The following CYP4F2 variants were observed in gnomAD, a reference collection of about 807,000 sequenced individuals.
The protein encoded by CYP4F2 is cytochrome P450 4F2.
In CYP4F2, 58 loss-of-function variants were observed where a neutral mutation model predicts 58.9. The observed-to-expected ratio is 0.98, with a 90% CI of 0.80 to 1.23. The LOEUF (loss-of-function observed/expected upper bound fraction) is 1.23, where lower values mean the gene tolerates loss of function less well. Among genes scored for constraint, CYP4F2 ranks in the 50% most tolerant of loss-of-function variants. CYP4F2 has a pLI of 0.00. For synonymous variants in CYP4F2, 287 were observed against 261.1 expected (o/e 1.10, Z -0.95); for missense variants, 616 against 685.6 (o/e 0.90, Z 1.13).
intron 9 of CYP4F2, among the ~76,000 whole-genome samples, chr19:15,880,170 G>A (rs774719317): frequency 5.9e-5 from 9 of 152,022 alleles, no homozygotes; most frequent in Non-Finnish European, 1.0e-4. Context: ...CCAAAATCCT[G>A]GGAAACTGAT....
Position 15,882,663 on chromosome 19 carries a change from A to G in CYP4F2, c.1116-2766T>C, listed in dbSNP as rs1327661567. Among the ~76,000 whole-genome samples, 4 of 151,402 alleles carry G rather than the reference A, an allele frequency of 2.6e-5. No individual in the cohort carries two copies. The East Asian group carries it at 7.8e-4, about 29-fold the overall frequency. On this transcript the variant is annotated intron_variant, in intron 9 of 12. Transcript: ENST00000221700. ...GATTTAATAATTTCAGGTTGTATAC[A>G]TACATCATAACATCACATTGTACCT... is the stretch of plus-strand genomic sequence containing the variant.
chr19:15,893,270 G>A lies in CYP4F2; in HGVS notation c.344-688C>T, dbSNP rs190302810. ...ATAATGTCTCAGACAGTTCACATAG[G>A]GACCCTGGGTCCCAGACCTCACACA... On this transcript the variant is annotated intron_variant, in intron 3 of 12. Coordinates refer to ENST00000221700, the MANE Select transcript of CYP4F2 (RefSeq NM_001082.5). Among the ~76,000 whole-genome samples, 43 of 150,718 alleles carry A rather than the reference G, an allele frequency of 2.9e-4. No individual in the cohort carries two copies. In the East Asian group the frequency reaches 6.4e-3, roughly 22 times the overall value.
chr19:15,895,562 G>A lies in CYP4F2; in HGVS notation c.287C>T (p.Ser96Phe), dbSNP rs1261522986. ...GGGGTGGCACAAACTGAGGAGGGGG[G>A]AGATGGGTCCCATCCAGACCTTAAA... ...QGFKVWMGPI[S>F]PLLSLCHPDI... Residue 96 changes from serine to phenylalanine, a missense_variant, in exon 3 of 13, where the codon TCC becomes TTC. Transcript: ENST00000221700. The A allele has an allele frequency of 4.5e-6, 7 of 1,559,038 alleles. No homozygotes were observed. Among genetic ancestry groups the A allele is most frequent in the Non-Finnish European group, 6.0e-6 (7 of 1,160,294 alleles).
chr19:15,897,878 A>G, intron 1 of CYP4F2, 148 bp downstream of exon 1: 1 of 399,508 alleles, frequency 2.5e-6, no homozygotes, highest in Non-Finnish European at 4.5e-6. Flanking sequence ...AGCCTGAATC[A>G]CTGTGAGGTT....
intron 9 of CYP4F2, among the ~76,000 whole-genome samples, chr19:15,881,769 G>A (rs563824950): frequency 2.0e-5 from 3 of 151,758 alleles, no homozygotes; most frequent in Non-Finnish European, 4.4e-5. Context: ...TTTCCATGTG[G>A]TGTGTATATA....
chr19:15,878,851 G>A lies in CYP4F2; in HGVS notation c.1483C>T (p.His495Tyr). 1 of 1,614,032 alleles carries A rather than the reference G, an allele frequency of 6.2e-7. No individual in the cohort carries two copies. Among genetic ancestry groups the A allele is most frequent in the Non-Finnish European group, 8.5e-7 (1 of 1,179,994 alleles). ...TCCGGCTTCCTGCGGGGCTCGGTGT[G>A]GTCAGGCAGGACGCGGAAGCGCAGC... ...TLLRFRVLPD[H>Y]TEPRRKPELV... The change falls in exon 13 of 13, where the codon CAC becomes TAC. Residue 495 changes from histidine (H) to tyrosine (Y), a missense_variant. By Grantham distance (83) the His-to-Tyr change is moderately conservative. Transcript: ENST00000221700.
At chr19:15,897,340 CACT>C in intron 2 of CYP4F2, 71 bp downstream of exon 2, 4 of 1,394,308 alleles carry the variant, frequency 2.9e-6, no homozygotes, top group Admixed American at 2.0e-5. Context: ...CCTTCACCCC[CACT>C]CCCTAAGCCT....
At chr19:15,880,323 G>A (rs1189350387) in intron 9 of CYP4F2, among the ~76,000 whole-genome samples, 1 of 151,198 alleles carries the variant, frequency 6.6e-6, no homozygotes, top group African/African-American at 2.4e-5. Context: ...TGCAACCCAA[G>A]ACAGAAAAAA....
At chr19:15,885,863 C>G (rs977612919) in intron 9 of CYP4F2, 61 bp downstream of exon 9, 28 of 1,572,116 alleles carry the variant, frequency 1.8e-5, no homozygotes, top group Non-Finnish European at 2.2e-5. Context: ...CTCCCCTCCC[C>G]ACCTGGGGAG....
At chr19:15,887,785 G>C (rs1267419997) in intron 7 of CYP4F2, among the ~76,000 whole-genome samples, 1 of 150,838 alleles carries the variant, frequency 6.6e-6, no homozygotes, top group Non-Finnish European at 1.5e-5. Flanking sequence ...TATAGACACA[G>C]ACATACACAC....
chr19:15,884,631 T>C (rs1217315491), intron 9 of CYP4F2, among the ~76,000 whole-genome samples: 1 of 152,018 alleles, frequency 6.6e-6, no homozygotes, highest in East Asian at 1.9e-4. Context: ...CAATAAAAAA[T>C]TGTTTGTTAA....
chr19:15,884,556 A>G (rs1388759208), intron 9 of CYP4F2, among the ~76,000 whole-genome samples: 2 of 152,246 alleles, frequency 1.3e-5, no homozygotes, highest in East Asian at 3.8e-4. Flanking sequence ...TTTGATCTTT[A>G]CCAGTTATAT....
chr19:15,886,198 G>C, intron 8 of CYP4F2, 44 bp downstream of exon 8: 1 of 1,613,342 alleles, frequency 6.2e-7, no homozygotes, highest in East Asian at 2.2e-5. Context: ...TCCTGGAAGG[G>C]AGAGATCCCG....
In CYP4F2 at chr19:15,889,475, G is replaced by T. The variant is rs769740008; in HGVS notation, c.866C>A (p.Ala289Asp). The change falls in exon 7 of 13, where the codon GCC becomes GAC. Residue 289 changes from alanine (A) to aspartate (D), a missense_variant. Coordinates refer to ENST00000221700, the MANE Select transcript of CYP4F2 (RefSeq NM_001082.5). Reference protein sequence around the residue: ...PSQGVDDFLQAKAKSKTLDFI... With the variant: ...PSQGVDDFLQDKAKSKTLDFI... ...GTCCAAAGTCTTGGATTTGGCCTTG[G>T]CTTGGAGGAAGTCATCAACACCCTG... The T allele has an allele frequency of 1.9e-6, 3 of 1,614,150 alleles. No individual in the cohort carries two copies. In the East Asian group the frequency reaches 6.7e-5, roughly 36 times the overall value.
chr19:15,897,517 G>C lies in CYP4F2; in HGVS notation c.95C>G (p.Ala32Gly). The C allele has an allele frequency of 6.2e-7, 1 of 1,613,868 alleles. No individual in the cohort carries two copies. The highest frequency in any genetic ancestry group is 2.2e-5 in the East Asian group (1 of 44,840). The change falls in exon 2 of 13, where the codon GCC becomes GGC. Residue 32 changes from alanine (A) to glycine (G), a missense_variant. By Grantham distance (60) the Ala-to-Gly change is moderately conservative. Transcript: ENST00000221700. The stretch of plus-strand genomic sequence containing the variant: ...GGCGTAGGTCCAGGCCAGGACATGG[G>C]CCAGGAGCCAGGAGGCCCCGACCAG... ...LLLVGASWLL[A>G]HVLAWTYAFY...
chr19:15,897,879 C>T (rs1446778134), intron 1 of CYP4F2, 147 bp downstream of exon 1: 5 of 393,036 alleles, frequency 1.3e-5, no homozygotes, highest in Non-Finnish European at 2.3e-5. Flanking sequence ...GCCTGAATCA[C>T]TGTGAGGTTG....
At chr19:15,895,957 T>C (rs1331429046) in intron 2 of CYP4F2, among the ~76,000 whole-genome samples, 1 of 152,128 alleles carries the variant, frequency 6.6e-6, no homozygotes, top group East Asian at 1.9e-4. Context: ...ACATAATCTA[T>C]CCATCCTATC....
Position 15,897,499 on chromosome 19 carries a change from G to C in CYP4F2, c.113C>G (p.Thr38Ser). 6.2e-7 allele frequency: 1 copy of C among 1,614,022 alleles called. No homozygotes were observed. The highest frequency in any genetic ancestry group is 8.5e-7 in the Non-Finnish European group (1 of 1,179,986). Residue 38 changes from threonine (T) to serine (S), a missense_variant, in exon 2 of 13, where the codon ACC (threonine) becomes AGC (serine). Coordinates refer to ENST00000221700, the MANE Select transcript of CYP4F2 (RefSeq NM_001082.5). The part of the protein sequence containing the change: ...SWLLAHVLAW[T>S]YAFYDNCRRL... ...GCGGCAGTTGTCATAGAAGGCGTAG[G>C]TCCAGGCCAGGACATGGGCCAGGAG...
At chr19:15,895,085 A>C (rs1320206046) in intron 3 of CYP4F2, among the ~76,000 whole-genome samples, 1 of 152,016 alleles carries the variant, frequency 6.6e-6, no homozygotes, top group East Asian at 1.9e-4. Flanking sequence ...ATTCCTACTC[A>C]TTGTTCCAGA....
Sources: allele counts gnomAD v4.1 joint callset (sites outside exome capture counted in the v4.1 genomes callset), GRCh38; gene constraint gnomAD v4.1.1; transcripts MANE v1.5; gene names NCBI Gene and HGNC (gene_info 2026-07-23, HGNC 2026-07-21).